Variants in NFATC1 observed in about 807,000 individuals in gnomAD.
The protein encoded by NFATC1 is nuclear factor of activated T-cells, cytoplasmic 1.
Under a neutral mutation model 76.0 loss-of-function variants are expected in NFATC1, and 22 were observed. The ratio of observed to expected loss-of-function variants is 0.29; its 90% CI spans 0.21 to 0.41. The LOEUF (loss-of-function observed/expected upper bound fraction) is 0.41, where lower values mean the gene tolerates loss of function less well. NFATC1 is among the 10% of genes least tolerant of loss of function. The probability of loss-of-function intolerance (pLI) is 1.00; values close to 1 mark genes in which losing one functional copy is unlikely to be tolerated. For synonymous variants in NFATC1, 704 were observed against 613.1 expected (o/e 1.15, Z -2.19); for missense variants, 1,357 against 1,337.7 (o/e 1.01, Z -0.23).
intron 3 of NFATC1, among the ~76,000 whole-genome samples, chr18:79,444,915 A>G (rs919437388): frequency 6.6e-6 from 1 of 152,198 alleles, no homozygotes; most frequent in Non-Finnish European, 1.5e-5. Context: ...TGGTGGCTTC[A>G]CCTGGAATGT....
At chr18:79,518,116 C>T (rs941814603) in intron 9 of NFATC1, among the ~76,000 whole-genome samples, 4 of 152,250 alleles carry the variant, frequency 2.6e-5, no homozygotes, top group African/African-American at 9.6e-5. Flanking sequence ...CCAGCTGGCA[C>T]AGTCACCACC....
intron 8 of NFATC1, chr18:79,470,283 T>G (rs2088725002): frequency 6.6e-6 from 1 of 152,372 alleles, no homozygotes; most frequent in Non-Finnish European, 1.5e-5. Flanking sequence ...TCAAAGCTGC[T>G]CTTGGCTTTT....
intron 2 of NFATC1, chr18:79,422,407 C>T (rs561329051): frequency 7.4e-5 from 11 of 149,470 alleles, no homozygotes; most frequent in Middle Eastern, 3.4e-3. Context: ...GAAGAGTCCG[C>T]GTGTGCAGTG....
At chr18:79,448,231 G>T (rs372460833) in intron 3 of NFATC1, 1 of 158,230 alleles carries the variant, frequency 6.3e-6, no homozygotes, top group Non-Finnish European at 1.4e-5. Context: ...CCACCAGGAC[G>T]GCGTTGAGCG....
At chr18:79,479,350 G>A (rs576569264) in intron 8 of NFATC1, among the ~76,000 whole-genome samples, 1 of 150,608 alleles carries the variant, frequency 6.6e-6, no homozygotes, top group Non-Finnish European at 1.5e-5. Context: ...CTCCACGGGC[G>A]ACAGCGTGAA....
At chr18:79,430,214 A>G (rs2086542152) in intron 2 of NFATC1, among the ~76,000 whole-genome samples, 2 of 152,348 alleles carry the variant, frequency 1.3e-5, no homozygotes, top group Middle Eastern at 3.4e-3. Context: ...AGAGTGGTTT[A>G]GACTGCCTTA....
chr18:79,473,570 C>T (rs941239364), intron 8 of NFATC1, among the ~76,000 whole-genome samples: 2 of 146,640 alleles, frequency 1.4e-5, no homozygotes, highest in Non-Finnish European at 3.0e-5. Flanking sequence ...AGCGTGTTCT[C>T]GCGCTCACTG....
intron 8 of NFATC1, among the ~76,000 whole-genome samples, chr18:79,483,947 G>A (rs1249865479): frequency 2.0e-5 from 3 of 147,012 alleles, no homozygotes; most frequent in Non-Finnish European, 4.5e-5. Context: ...CTGGTTCCTG[G>A]GGTGTCACTC....
intron 6 of NFATC1, among the ~76,000 whole-genome samples, chr18:79,457,340 C>T (rs940105778): frequency 6.6e-6 from 1 of 152,184 alleles, no homozygotes; most frequent in Admixed American, 6.5e-5. Flanking sequence ...CCACAGTTCT[C>T]ATCAAGCCGC....
chr18:79,474,127 G>A (rs1425567539), intron 8 of NFATC1, among the ~76,000 whole-genome samples: 20 of 135,710 alleles, frequency 1.5e-4, no homozygotes, highest in Middle Eastern at 4.5e-3. Context: ...GTGTTCTCAC[G>A]CTCGCTGTCG....
chr18:79,463,912 C>T (rs771145985), intron 7 of NFATC1, among the ~76,000 whole-genome samples: 13 of 152,214 alleles, frequency 8.5e-5, no homozygotes, highest in Non-Finnish European at 1.6e-4. Flanking sequence ...CAGGAGGAGC[C>T]GTGAGCCTTT....
At chr18:79,494,059 C>T (rs547983913) in intron 9 of NFATC1, among the ~76,000 whole-genome samples, 77 of 152,340 alleles carry the variant, frequency 5.1e-4, no homozygotes, top group African/African-American at 1.8e-3. Context: ...AGGCGGCCAC[C>T]AGAGGCCGCG....
In NFATC1 at chr18:79,411,516, C is replaced by T. The variant is rs760468564; in HGVS notation, c.1226+15C>T. The stretch of plus-strand genomic sequence containing the variant: ...TCCTACATGAGGTGAGCCGGCAGCG[C>T]GGGGCGGGACGGGGAGGCGAGGGGA... On this transcript the variant is annotated intron_variant, in intron 2 of 9. Coordinates refer to ENST00000427363, the MANE Select transcript of NFATC1 (RefSeq NM_001278669.2). 5.3e-5 allele frequency: 76 copies of T among 1,435,376 alleles called. No individual in the cohort carries two copies. Among genetic ancestry groups the T allele is most frequent in the Middle Eastern group, 1.8e-4 (1 of 5,416 alleles). The allele number at this position is 1,435,376 out of a possible 1,614,324, so 88.9% of individuals were successfully genotyped here. A position where few individuals can be genotyped will look rare whatever the true frequency, so the allele number is the denominator to read the frequency against.
intron 6 of NFATC1, among the ~76,000 whole-genome samples, chr18:79,454,640 C>T (rs570346884): frequency 1.2e-3 from 181 of 152,316 alleles, no homozygotes; most frequent in Non-Finnish European, 2.2e-3. Context: ...CGCAAAAGGC[C>T]GGGAGCGGAG....
At position 79,399,062 on chromosome 18, in the gene NFATC1, G is replaced by A. The variant is rs1352011006; in HGVS notation, c.127+2711G>A. On this transcript the variant is annotated intron_variant, in intron 1 of 9. Coordinates refer to ENST00000427363, the MANE Select transcript of NFATC1 (RefSeq NM_001278669.2). The stretch of plus-strand genomic sequence containing the variant: ...AGCCTGGGTGACAGAGCGAGACTCC[G>A]TCTCAAACAAACAAAAACCTGTACA... Among the ~76,000 whole-genome samples the A allele has an allele frequency of 2.6e-5, 4 of 152,260 alleles. No homozygotes were observed. In the East Asian group the frequency reaches 5.8e-4, roughly 22 times the overall value.
intron 1 of NFATC1, among the ~76,000 whole-genome samples, chr18:79,403,871 A>G (rs1206022842): frequency 6.6e-6 from 1 of 152,240 alleles, no homozygotes; most frequent in Non-Finnish European, 1.5e-5. Flanking sequence ...AACCCGTGGC[A>G]GAGACGCCTG....
intron 6 of NFATC1, among the ~76,000 whole-genome samples, chr18:79,457,568 T>C (rs2087803836): frequency 6.6e-6 from 1 of 152,198 alleles, no homozygotes; most frequent in Non-Finnish European, 1.5e-5. Context: ...TTTATCGAAA[T>C]ATGATCTATA....
At position 79,465,599 on chromosome 18, in the gene NFATC1, G is replaced by A. The variant is rs1364349548; in HGVS notation, c.1960-1851G>A. Among the ~76,000 whole-genome samples the A allele has an allele frequency of 3.3e-5, 5 of 152,118 alleles. No homozygotes were observed. The highest frequency in any genetic ancestry group is 4.8e-5 in the African/African-American group (2 of 41,432). On this transcript the variant is annotated intron_variant, in intron 7 of 9. Coordinates refer to ENST00000427363, the MANE Select transcript of NFATC1 (RefSeq NM_001278669.2). The surrounding 1 kb of genome is among the most constrained non-coding windows in gnomAD (Gnocchi z 4.2). ...TGGGGTCCCCGCCTCCCCACTCCTC[G>A]CTGCTGCCTGTGAGTGCCTCCCGGC... is the stretch of plus-strand genomic sequence containing the variant.
intron 6 of NFATC1, among the ~76,000 whole-genome samples, chr18:79,458,834 C>A (rs971274209): frequency 6.6e-6 from 1 of 152,364 alleles, no homozygotes; most frequent in Middle Eastern, 3.4e-3. Flanking sequence ...TCCTGAGATG[C>A]GAGGTTATTT....
Sources: gnomAD v4.1 joint callset for allele counts (sites outside exome capture counted in the v4.1 genomes callset) on GRCh38, gnomAD v4.1.1 for gene constraint, Gnocchi (gnomAD v3.1) non-coding constraint, MANE v1.5 for transcripts, NCBI Gene and HGNC (gene_info 2026-07-23, HGNC 2026-07-21) for gene names.